The following CDC14B variants were observed in gnomAD, a reference collection of about 807,000 sequenced individuals.
The protein encoded by CDC14B is dual specificity protein phosphatase CDC14B.
CDC14B carries 22 observed loss-of-function variants against 64.2 expected under a neutral mutation model. The observed-to-expected ratio is 0.34, with a 90% confidence interval of 0.24 to 0.49. CDC14B has a LOEUF of 0.49. Among genes scored for constraint, CDC14B ranks in the 20% least tolerant of loss-of-function variants. The probability of loss-of-function intolerance (pLI) is 0.99; values close to 1 mark genes in which losing one functional copy is unlikely to be tolerated. For synonymous variants in CDC14B, 191 were observed against 215.8 expected (o/e 0.89, Z 1.01); for missense variants, 498 against 629.9 (o/e 0.79, Z 2.24).
chr9:96,491,727 A>G (rs538851551), exon 14 of CDC14B: 1 of 152,338 alleles, frequency 6.6e-6, no homozygotes, highest in African/African-American at 2.4e-5. Flanking sequence ...TGAAAAGCCC[A>G]CAGCACTTGG....
At chr9:96,574,328 T>C (rs1366996768) in intron 1 of CDC14B, among the ~76,000 whole-genome samples, 2 of 152,022 alleles carry the variant, frequency 1.3e-5, no homozygotes, top group East Asian at 3.9e-4. Context: ...GGGAGAAGAA[T>C]ATTCAATACA....
In CDC14B at chr9:96,533,183, G is replaced by T. The variant is rs544433476; in HGVS notation, c.946+744C>A. ...AGGGTTTCACTATTTTGGCCAGGCTGGTCTCAAACTCCTGACCTCAGGCGA... is the reference window on the plus strand; with the variant it reads ...AGGGTTTCACTATTTTGGCCAGGCTTGTCTCAAACTCCTGACCTCAGGCGA... On this transcript the variant is annotated intron_variant, in intron 9 of 13. Transcript: ENST00000375241. 5.8e-4 allele frequency among the ~76,000 whole-genome samples: 88 copies of T among 152,300 alleles called. 1 individual carries two copies. Among genetic ancestry groups the T allele is most frequent in the Non-Finnish European group, 1.1e-3 (77 of 68,026 alleles).
chr9:96,542,375 A>G (rs1416100596), intron 5 of CDC14B, among the ~76,000 whole-genome samples: 3 of 152,230 alleles, frequency 2.0e-5, no homozygotes, highest in Non-Finnish European at 4.4e-5. Flanking sequence ...CCAACCAAGT[A>G]TGACAGAAAT....
chr9:96,506,172 C>A (rs907553215), intron 13 of CDC14B, among the ~76,000 whole-genome samples: 1 of 152,020 alleles, frequency 6.6e-6, no homozygotes, highest in Non-Finnish European at 1.5e-5. Flanking sequence ...TGAAAGGACC[C>A]CAAAAGGGTG....
intron 5 of CDC14B, among the ~76,000 whole-genome samples, chr9:96,545,052 T>C (rs976782422): frequency 6.6e-6 from 1 of 152,188 alleles, no homozygotes; most frequent in Non-Finnish European, 1.5e-5. Flanking sequence ...GTTCTCGGGA[T>C]AGGGCCAGGT....
intron 4 of CDC14B, among the ~76,000 whole-genome samples, chr9:96,555,371 A>C (rs1458333481): frequency 1.3e-5 from 2 of 152,146 alleles, no homozygotes; most frequent in Non-Finnish European, 2.9e-5. Context: ...ATCGGCACTA[A>C]CCTGCCAGGT....
chr9:96,531,173 T>G (rs1838420022), intron 9 of CDC14B, among the ~76,000 whole-genome samples: 1 of 152,234 alleles, frequency 6.6e-6, no homozygotes, highest in Non-Finnish European at 1.5e-5. Flanking sequence ...AGTTAGAAAG[T>G]GTTCCTTTTT....
At chr9:96,540,207 C>G (rs1839854882) in intron 6 of CDC14B, among the ~76,000 whole-genome samples, 1 of 152,266 alleles carries the variant, frequency 6.6e-6, no homozygotes, top group East Asian at 1.9e-4. Context: ...ATGAGGTGAT[C>G]TTATTGGAAG....
intron 1 of CDC14B, among the ~76,000 whole-genome samples, chr9:96,607,490 G>A (rs1220790163): frequency 6.9e-6 from 1 of 144,646 alleles, no homozygotes; most frequent in Non-Finnish European, 1.5e-5. Flanking sequence ...GTGCCATCTC[G>A]GCTCACTGCA....
chr9:96,513,458 G>GT (rs34170087), intron 12 of CDC14B, among the ~76,000 whole-genome samples: 11,397 of 152,248 alleles, frequency 0.075, 638 homozygotes, highest in Non-Finnish European at 0.11. Flanking sequence ...GCAGAGCAGT[G>GT]TGCAGCAGAT....
rs1833659446 is a variant in CDC14B, at chr9:96,502,697, CAG to C, written c.*1054_*1055del. ...TAGGGCTGCGGGAGAAGGCACTCTG[CAG>C]AGTTACTAGTTGTGTTCCCTAACCA... is the stretch of plus-strand genomic sequence containing the variant. On this transcript the variant is annotated 3_prime_UTR_variant, in exon 14 of 14. Coordinates refer to ENST00000375241, the MANE Select transcript of CDC14B (RefSeq NM_033331.4). 2.6e-6 allele frequency: 1 copy of C among 390,950 alleles called. No individual in the cohort carries two copies. The highest frequency in any genetic ancestry group is 4.5e-6 in the Non-Finnish European group (1 of 221,946). 24.2% of individuals were successfully genotyped at this position (390,950 alleles called of 1,614,324 possible). A position where few individuals can be genotyped will look rare whatever the true frequency, so the allele number is the denominator to read the frequency against.
chr9:96,518,931 T>C (rs562154737), intron 12 of CDC14B, among the ~76,000 whole-genome samples: 18 of 152,140 alleles, frequency 1.2e-4, no homozygotes, highest in African/African-American at 4.3e-4. Context: ...GGTCAGGAGA[T>C]CGAGACCATC....
intron 1 of CDC14B, among the ~76,000 whole-genome samples, chr9:96,602,970 G>C (rs900073807): frequency 1.3e-5 from 2 of 152,008 alleles, no homozygotes; most frequent in African/African-American, 2.4e-5. Context: ...TCTCGACTTA[G>C]AGAAGCTTGA....
chr9:96,577,285 T>C (rs1844872513), intron 1 of CDC14B, among the ~76,000 whole-genome samples: 2 of 149,062 alleles, frequency 1.3e-5, no homozygotes, highest in South Asian at 4.3e-4. Flanking sequence ...GAAAAGATCA[T>C]AAAAAAATCT....
intron 1 of CDC14B, among the ~76,000 whole-genome samples, chr9:96,595,522 T>C (rs1846020464): frequency 6.6e-6 from 1 of 152,228 alleles, no homozygotes; most frequent in Admixed American, 6.5e-5. Flanking sequence ...TGTACGTGAA[T>C]GTTCTTAACA....
intron 5 of CDC14B, among the ~76,000 whole-genome samples, chr9:96,546,220 G>A (rs9969705): frequency 0.014 from 2,075 of 152,110 alleles, 48 homozygotes; most frequent in African/African-American, 0.047. Flanking sequence ...GCTACAAAAG[G>A]AATAAAAAAG....
At chr9:96,615,136 C>T (rs1401903285) in intron 1 of CDC14B, among the ~76,000 whole-genome samples, 1 of 152,062 alleles carries the variant, frequency 6.6e-6, no homozygotes, top group Non-Finnish European at 1.5e-5. Context: ...ACACTGTGCC[C>T]GGCCTACACT....
intron 1 of CDC14B, among the ~76,000 whole-genome samples, chr9:96,615,669 C>T (rs1396427127): frequency 6.6e-6 from 1 of 152,144 alleles, no homozygotes; most frequent in East Asian, 1.9e-4. Context: ...CGTAGCCATT[C>T]GGAAAAAGAG....
chr9:96,495,035 C>T (rs1340983563), intron 13 of CDC14B, among the ~76,000 whole-genome samples: 24 of 151,770 alleles, frequency 1.6e-4, no homozygotes, highest in Non-Finnish European at 7.4e-5. Flanking sequence ...GGGGTTTCAC[C>T]GTGTTAGCCA....
Sources: allele counts gnomAD v4.1 joint callset (sites outside exome capture counted in the v4.1 genomes callset), GRCh38; gene constraint gnomAD v4.1.1; transcripts MANE v1.5; gene names NCBI Gene and HGNC (gene_info 2026-07-23, HGNC 2026-07-21).